The following RAP1GAP variants were observed in gnomAD, a reference collection of about 807,000 sequenced individuals.
The protein encoded by RAP1GAP is rap1 GTPase-activating protein 1.
A neutral mutation model predicts 87.2 loss-of-function variants in RAP1GAP; 35 were observed. The observed-to-expected ratio is 0.40, with a 90% CI of 0.31 to 0.53. The LOEUF is 0.53. Ranked by LOEUF, RAP1GAP falls within the 20% of genes least tolerant of loss-of-function variation. The pLI is 0.48. For synonymous variants in RAP1GAP, 375 were observed against 363.9 expected (o/e 1.03, Z -0.35); for missense variants, 734 against 898.9 (o/e 0.82, Z 2.35).
intron 17 of RAP1GAP, 28 bp downstream of exon 17, chr1:21,608,185 C>G (rs3736386): frequency 0.011 from 17,204 of 1,611,526 alleles, 174 homozygotes; most frequent in East Asian, 0.057. Context: ...TCCCTGCTCC[C>G]CGGCCAGTTA....
At chr1:21,644,463 A>G (rs2095834274) in intron 2 of RAP1GAP, among the ~76,000 whole-genome samples, 1 of 152,124 alleles carries the variant, frequency 6.6e-6, no homozygotes, top group Non-Finnish European at 1.5e-5. Context: ...GCCCTAAACC[A>G]GGGTTCATAA....
At chr1:21,631,433 C>T (rs967811632) in intron 2 of RAP1GAP, among the ~76,000 whole-genome samples, 2 of 152,250 alleles carry the variant, frequency 1.3e-5, no homozygotes, top group African/African-American at 4.8e-5. Flanking sequence ...CACCTGTAAT[C>T]CCAGCACTTT....
chr1:21,651,732 ACGCACACG>A (rs765111605), intron 1 of RAP1GAP: 4 of 1,351,814 alleles, frequency 3.0e-6, no homozygotes, highest in Middle Eastern at 2.1e-4. Context: ...ACGCGTGCAC[ACGCACACG>A]CGCGCACGCG....
rs1478343076 is a variant in RAP1GAP at position 21,611,702 on chromosome 1, ACCCTAATACTCAC to A, written c.713+1_713+13del. ...AGTCAGATTACACTCTGCTCAGCCCACCCTAATACTCACCCCTTAAAGTCCTGCAGTTTGACCT... is the reference window on the plus strand; with the variant it reads ...AGTCAGATTACACTCTGCTCAGCCCACCCTTAAAGTCCTGCAGTTTGACCT... On this transcript the variant is annotated splice_donor_variant and splice_donor_5th_base_variant and intron_variant, in intron 12 of 24. Transcript: ENST00000374765. LOFTEE classifies it high-confidence loss of function. 7 of 1,612,004 alleles carry A rather than the reference ACCCTAATACTCAC, an allele frequency of 4.3e-6. No homozygotes were observed. The highest frequency in any genetic ancestry group is 5.1e-6 in the Non-Finnish European group (6 of 1,178,106).
At chr1:21,651,373 T>G (rs1207017334) in intron 1 of RAP1GAP, 1 of 512,822 alleles carries the variant, frequency 1.9e-6, no homozygotes, top group Non-Finnish European at 3.9e-6. Flanking sequence ...CTGACCTGCC[T>G]GCCCCTACTC....
chr1:21,657,655 G>A (rs556797814), intron 1 of RAP1GAP, among the ~76,000 whole-genome samples: 15 of 152,264 alleles, frequency 9.9e-5, no homozygotes, highest in Admixed American at 7.8e-4. Context: ...GCCCATTTTC[G>A]GGGCAGTTGG....
At chr1:21,640,705 G>GGTAGAT (rs1553478803) in intron 2 of RAP1GAP, among the ~76,000 whole-genome samples, 67 of 151,934 alleles carry the variant, frequency 4.4e-4, no homozygotes, top group African/African-American at 1.5e-3. Context: ...GGGTCTTTGC[G>GGTAGAT]CCAGGTAGAT....
intron 1 of RAP1GAP, chr1:21,667,741 C>T (rs1469149511): frequency 6.6e-6 from 1 of 152,268 alleles, no homozygotes; most frequent in African/African-American, 2.4e-5. Flanking sequence ...GACTAGGTGA[C>T]CTCAGGCAGT....
At chr1:21,605,419 T>C (rs1478814282) in intron 18 of RAP1GAP, among the ~76,000 whole-genome samples, 1 of 152,158 alleles carries the variant, frequency 6.6e-6, no homozygotes, top group Non-Finnish European at 1.5e-5. Context: ...CATCTAGGGC[T>C]TATCACACAC....
rs373846228 is a variant in RAP1GAP, at chr1:21,617,481, C to T, written c.116G>A (p.Arg39Gln). ...PYPSVHEVLG[R>Q]EGPFPLILLP... ...CAGGATGAGGGGGAAGGGTCCTTCT[C>T]GCCCCAAGACCTGAAGAGGGACTCA... is the stretch of plus-strand genomic sequence containing the variant. Residue 39 changes from arginine (R) to glutamine (Q), a missense_variant, in exon 7 of 25, where the codon CGA (arginine) becomes CAA (glutamine). This residue lies in a region of RAP1GAP where 485 missense variants were observed against 646.2 expected (regional missense o/e 0.75). Coordinates refer to ENST00000374765, the MANE Select transcript of RAP1GAP (RefSeq NM_002885.4). 9.4e-6 allele frequency: 15 copies of T among 1,597,612 alleles called. No homozygotes were observed. The highest frequency in any genetic ancestry group is 4.5e-5 in the East Asian group (2 of 44,316).
chr1:21,639,656 C>A (rs888823330), intron 2 of RAP1GAP, among the ~76,000 whole-genome samples: 1 of 152,330 alleles, frequency 6.6e-6, no homozygotes, highest in South Asian at 2.1e-4. Context: ...AGAGTTATGA[C>A]CTCACTCCTG....
At chr1:21,611,314 C>G (rs1256281) in intron 13 of RAP1GAP, 138 bp downstream of exon 13, 1,239,048 of 1,241,178 alleles carry the variant, frequency 1, 618,486 homozygotes, top group East Asian at 1. Context: ...CCCAACGAGA[C>G]CCCACAAGTG....
At position 21,668,327 on chromosome 1, in the gene RAP1GAP, C is replaced by A. The variant is rs1482463670; in HGVS notation, c.-149+927G>T. 1.3e-5 allele frequency among the ~76,000 whole-genome samples: 2 copies of A among 152,200 alleles called. No individual in the cohort carries two copies. The highest frequency in any genetic ancestry group is 6.5e-5 in the Admixed American group (1 of 15,288). On this transcript the variant is annotated intron_variant, in intron 1 of 24. Transcript: ENST00000374765. The surrounding 1 kb of genome is among the most constrained non-coding windows in gnomAD (Gnocchi z 6.2). ...CCCTCAGTGTCCTTCCTGCCTGCCG[C>A]CCCAGGGGCCTGACCTCTGACTTGG...
intron 1 of RAP1GAP, among the ~76,000 whole-genome samples, chr1:21,659,326 C>T (rs757332147): frequency 6.6e-6 from 1 of 152,238 alleles, no homozygotes; most frequent in Non-Finnish European, 1.5e-5. Context: ...GGACCAGGGA[C>T]AGCGCCCCGG....
intron 1 of RAP1GAP, chr1:21,651,266 G>A (rs2096538990): frequency 2.1e-5 from 8 of 378,348 alleles, no homozygotes; most frequent in South Asian, 1.5e-4. Context: ...AGGGTGGGCA[G>A]GACCTGCTAA....
intron 21 of RAP1GAP, among the ~76,000 whole-genome samples, chr1:21,599,258 AAGGGAGT>A (rs2066227431): frequency 6.6e-6 from 1 of 152,112 alleles, no homozygotes. Context: ...ACTAGAGAGG[AAGGGAGT>A]GACCAGATCT....
chr1:21,617,694 CA>C (rs1385098502), intron 6 of RAP1GAP, among the ~76,000 whole-genome samples: 1 of 152,338 alleles, frequency 6.6e-6, no homozygotes, highest in Non-Finnish European at 1.5e-5. Context: ...AAGTCTCTAA[CA>C]GGGGGTGTGG....
intron 18 of RAP1GAP, among the ~76,000 whole-genome samples, chr1:21,604,798 TC>T (rs1286485883): frequency 1.8e-4 from 26 of 147,168 alleles, no homozygotes; most frequent in Admixed American, 8.1e-4. Flanking sequence ...GATGGATGGA[TC>T]GGTGGGTGGG....
Position 21,658,710 on chromosome 1 carries a change from A to G in RAP1GAP, c.-148-8914T>C, listed in dbSNP as rs180936370. Among the ~76,000 whole-genome samples, 393 of 152,274 alleles carry G rather than the reference A, an allele frequency of 2.6e-3. 2 individuals are homozygous for G. Among genetic ancestry groups the G allele is most frequent in the Non-Finnish European group, 4.7e-3 (319 of 68,032 alleles). On this transcript the variant is annotated intron_variant, in intron 1 of 24. Coordinates refer to ENST00000374765, the MANE Select transcript of RAP1GAP (RefSeq NM_002885.4). Reference sequence around the variant, plus strand: ...CGGCCTGGTAACAAAGCAAGACTCCATCTCTATTACGATAATTTTAATTTT... The same window carrying G: ...CGGCCTGGTAACAAAGCAAGACTCCGTCTCTATTACGATAATTTTAATTTT...
Sources: gnomAD v4.1 joint callset for allele counts (sites outside exome capture counted in the v4.1 genomes callset) on GRCh38, gnomAD v4.1.1 for gene constraint, gnomAD v4.1.1 regional missense constraint, Gnocchi (gnomAD v3.1) non-coding constraint, MANE v1.5 for transcripts, NCBI Gene and HGNC (gene_info 2026-07-23, HGNC 2026-07-21) for gene names.